Variants in FAM227B observed in about 807,000 individuals in gnomAD.
FAM227B encodes protein FAM227B.
In FAM227B, 88 loss-of-function variants were observed where a neutral mutation model predicts 73.8. That is an observed-to-expected ratio of 1.19 (90% CI 1.00 to 1.42). FAM227B has a LOEUF of 1.42. Ranked by LOEUF, FAM227B falls within the 40% of genes most tolerant of loss-of-function variation. The pLI is 0.00. For missense variants in FAM227B, 632 were observed against 590.9 expected (o/e 1.07, Z -0.72); for synonymous variants, 210 against 190.5 (o/e 1.10, Z -0.84).
At chr15:49,543,263 TGTA>T (rs1371449144) in intron 9 of FAM227B, among the ~76,000 whole-genome samples, 6 of 152,228 alleles carry the variant, frequency 3.9e-5, no homozygotes, top group African/African-American at 1.4e-4. Context: ...TAATCAGCGA[TGTA>T]GTGCATTTTT....
chr15:49,579,046 G>A (rs1265725613), intron 5 of FAM227B, among the ~76,000 whole-genome samples: 1 of 152,036 alleles, frequency 6.6e-6, no homozygotes, highest in Admixed American at 6.5e-5. Context: ...CATATAAATG[G>A]CCTACGAAAA....
intron 10 of FAM227B, among the ~76,000 whole-genome samples, chr15:49,536,072 C>CAA (rs59203003): frequency 6.1e-5 from 7 of 114,010 alleles, no homozygotes; most frequent in African/African-American, 2.0e-4. Flanking sequence ...GGCAATCAGA[C>CAA]AAAAAAAAAA....
intron 1 of FAM227B, among the ~76,000 whole-genome samples, chr15:49,618,733 T>C (rs1314316836): frequency 1.3e-5 from 2 of 152,200 alleles, no homozygotes; most frequent in South Asian, 2.1e-4. Flanking sequence ...GGGTAATGTC[T>C]GAAATTGGAA....
At chr15:49,532,054 C>T (rs1388172467) in intron 10 of FAM227B, among the ~76,000 whole-genome samples, 1 of 148,510 alleles carries the variant, frequency 6.7e-6, no homozygotes. Flanking sequence ...AAGGGAATAT[C>T]TATATATAAA....
At chr15:49,614,230 G>GT (rs1203368636) in intron 2 of FAM227B, among the ~76,000 whole-genome samples, 7 of 151,950 alleles carry the variant, frequency 4.6e-5, no homozygotes, top group Non-Finnish European at 1.0e-4. Context: ...ATAAGGTAAG[G>GT]TATAAATTAA....
At chr15:49,442,601 A>T (rs2051772288) in intron 11 of FAM227B, among the ~76,000 whole-genome samples, 1 of 151,610 alleles carries the variant, frequency 6.6e-6, no homozygotes, top group Non-Finnish European at 1.5e-5. Flanking sequence ...CCATCTCAGC[A>T]TTAGAATAGT....
intron 11 of FAM227B, among the ~76,000 whole-genome samples, chr15:49,497,508 A>G (rs531192112): frequency 9.2e-5 from 14 of 152,320 alleles, no homozygotes; most frequent in African/African-American, 3.1e-4. Context: ...GGACAAAATC[A>G]ATGAGTTGGG....
At chr15:49,426,455 G>T (rs745605113) in intron 11 of FAM227B, among the ~76,000 whole-genome samples, 2 of 151,698 alleles carry the variant, frequency 1.3e-5, no homozygotes, top group Non-Finnish European at 2.9e-5. Context: ...TAATGAAAAA[G>T]CAAAAAAGTA....
At chr15:49,467,230 G>GT (rs769924782) in intron 11 of FAM227B, among the ~76,000 whole-genome samples, 18 of 152,138 alleles carry the variant, frequency 1.2e-4, no homozygotes, top group Non-Finnish European at 2.1e-4. Context: ...AACATGCTTT[G>GT]TGACTCCTAG....
chr15:49,379,844 C>T (rs914733085), intron 11 of FAM227B, among the ~76,000 whole-genome samples: 3 of 152,128 alleles, frequency 2.0e-5, no homozygotes, highest in East Asian at 1.9e-4. Flanking sequence ...GACCTGAAGC[C>T]GGCACAGCAC....
Position 49,335,460 on chromosome 15 carries a change from C to G in FAM227B, c.1308G>C (p.Glu436Asp). Residue 436 changes from glutamate to aspartate, a missense_variant, in exon 14 of 16, where the codon GAG becomes GAC. Physicochemically the swap from Glu to Asp is conservative, Grantham distance 45. Coordinates refer to ENST00000299338, the MANE Select transcript of FAM227B (RefSeq NM_152647.3). Reference protein sequence around the residue: ...PAPTYRDVIKEAKRQFARNQK... With the variant: ...PAPTYRDVIKDAKRQFARNQK... Reference sequence around the variant, plus strand: ...GGTTCCTTGCAAATTGTCTTTTTGCCTCCTTTATAACATCACGGTATGTTG... The same window carrying G: ...GGTTCCTTGCAAATTGTCTTTTTGCGTCCTTTATAACATCACGGTATGTTG... 2 of 1,613,568 alleles carry G rather than the reference C, an allele frequency of 1.2e-6. No homozygotes were observed. The highest frequency in any genetic ancestry group is 1.7e-6 in the Non-Finnish European group (2 of 1,179,606).
At chr15:49,430,783 T>C (rs1249986368) in intron 11 of FAM227B, among the ~76,000 whole-genome samples, 1 of 149,980 alleles carries the variant, frequency 6.7e-6, no homozygotes, top group Admixed American at 6.7e-5. Flanking sequence ...TTCAGGAGGT[T>C]GAAGCCTTCA....
chr15:49,555,345 T>G (rs2073543975), intron 9 of FAM227B, among the ~76,000 whole-genome samples: 1 of 152,226 alleles, frequency 6.6e-6, no homozygotes, highest in South Asian at 2.1e-4. Context: ...AATTCTTGTT[T>G]GGAAATTCCT....
chr15:49,354,742 C>T (rs2042829927), intron 13 of FAM227B, among the ~76,000 whole-genome samples: 1 of 152,176 alleles, frequency 6.6e-6, no homozygotes. Context: ...CCCACCACAG[C>T]TCAAGGAGGC....
chr15:49,365,000 A>G (rs1435435469), intron 13 of FAM227B: 2 of 442,662 alleles, frequency 4.5e-6, no homozygotes, highest in African/African-American at 2.0e-5. Flanking sequence ...ACCAGCTCAT[A>G]AAAATATATA....
chr15:49,545,983 G>T, intron 9 of FAM227B, among the ~76,000 whole-genome samples: 1 of 148,144 alleles, frequency 6.8e-6, no homozygotes. Flanking sequence ...TATACTTTAA[G>T]TTTTAGGGTA....
rs369928043 is a variant in FAM227B at position 49,611,174 on chromosome 15, A to T, written c.105+41T>A. On this transcript the variant is annotated intron_variant, in intron 3 of 15. Coordinates refer to ENST00000299338, the MANE Select transcript of FAM227B (RefSeq NM_152647.3). The stretch of plus-strand genomic sequence containing the variant: ...TCTAAATCTCCATAACTGATATTTT[A>T]AAATGATGTAATGGCACATAAAATA... 2.2e-5 allele frequency: 27 copies of T among 1,210,358 alleles called. 1 individual carries two copies. The African/African-American group carries it at 4.1e-4, about 18-fold the overall frequency. The allele number at this position is 1,210,358 out of a possible 1,614,324, so 75.0% of individuals were successfully genotyped here. A position where few individuals can be genotyped will look rare whatever the true frequency, so the allele number is the denominator to read the frequency against.
At chr15:49,474,321 G>A (rs893770994) in intron 11 of FAM227B, among the ~76,000 whole-genome samples, 1 of 152,166 alleles carries the variant, frequency 6.6e-6, no homozygotes, top group African/African-American at 2.4e-5. Flanking sequence ...CATGATCAAT[G>A]TCTTCACCTC....
intron 11 of FAM227B, among the ~76,000 whole-genome samples, chr15:49,414,926 A>C (rs1362619285): frequency 6.6e-6 from 1 of 152,192 alleles, no homozygotes. Context: ...CTCCTTTCTC[A>C]TGCATAAGTT....
Sources: gnomAD v4.1 joint callset for allele counts (sites outside exome capture counted in the v4.1 genomes callset) on GRCh38, gnomAD v4.1.1 for gene constraint, MANE v1.5 for transcripts, NCBI Gene and HGNC (gene_info 2026-07-23, HGNC 2026-07-21) for gene names.